DAAM1: variants seen among roughly 807,000 people sequenced by gnomAD.
The protein encoded by DAAM1 is disheveled-associated activator of morphogenesis 1.
In DAAM1, 52 loss-of-function variants were observed where a neutral mutation model predicts 130.0. The ratio of observed to expected loss-of-function variants is 0.40; its 90% confidence interval spans 0.32 to 0.50. The LOEUF is 0.50. Among genes scored for constraint, DAAM1 ranks in the 20% least tolerant of loss-of-function variants. The pLI is 0.61. For missense variants in DAAM1, 1,134 were observed against 1,303.8 expected, an observed-to-expected ratio of 0.87 and a Z score of 2.01; for synonymous variants, 452 against 444.5, an observed-to-expected ratio of 1.02 and a Z score of -0.21.
At chr14:59,197,531 C>T (rs1208356772) in intron 1 of DAAM1, among the ~76,000 whole-genome samples, 1 of 152,190 alleles carries the variant, frequency 6.6e-6, no homozygotes, top group East Asian at 1.9e-4. Flanking sequence ...AGAGATTAAA[C>T]TGGAAATACT....
intron 2 of DAAM1, among the ~76,000 whole-genome samples, chr14:59,271,410 A>T (rs1594791526): frequency 6.6e-6 from 1 of 152,192 alleles, no homozygotes; most frequent in East Asian, 1.9e-4. Context: ...GGCCTATATC[A>T]TTAAATACTG....
At chr14:59,217,022 TAA>T (rs1302239773) in intron 1 of DAAM1, among the ~76,000 whole-genome samples, 14 of 152,220 alleles carry the variant, frequency 9.2e-5, no homozygotes, top group Non-Finnish European at 1.8e-4. Flanking sequence ...TTTAGTTTTT[TAA>T]AACAGATATT....
At chr14:59,330,710 AC>A in intron 13 of DAAM1, 22 bp downstream of exon 13, 1 of 1,579,842 alleles carries the variant, frequency 6.3e-7, no homozygotes, top group Non-Finnish European at 8.6e-7. Flanking sequence ...CGCTCAGCTC[AC>A]GGGCAGCTGC....
intron 1 of DAAM1, among the ~76,000 whole-genome samples, chr14:59,221,143 A>G (rs1271340456): frequency 1.3e-5 from 2 of 152,234 alleles, no homozygotes; most frequent in Non-Finnish European, 2.9e-5. Flanking sequence ...TACAACTGAA[A>G]GTGCACTTAT....
intron 1 of DAAM1, among the ~76,000 whole-genome samples, chr14:59,243,003 A>G (rs1006790261): frequency 6.6e-6 from 1 of 152,216 alleles, no homozygotes; most frequent in African/African-American, 2.4e-5. Flanking sequence ...TCATTATATA[A>G]TGTGATGACA....
At chr14:59,236,731 C>T (rs975585057) in intron 1 of DAAM1, among the ~76,000 whole-genome samples, 66 of 152,252 alleles carry the variant, frequency 4.3e-4, no homozygotes, top group Non-Finnish European at 7.4e-5. Flanking sequence ...GGGTAACGCT[C>T]ATCTGTCTGG....
intron 1 of DAAM1, among the ~76,000 whole-genome samples, chr14:59,257,364 G>A (rs1335843313): frequency 2.7e-5 from 4 of 147,554 alleles, no homozygotes; most frequent in African/African-American, 1.0e-4. Flanking sequence ...CAGTCTAGTG[G>A]GGGAAATGGA....
intron 1 of DAAM1, among the ~76,000 whole-genome samples, chr14:59,262,549 C>G (rs1378790968): frequency 4.6e-5 from 7 of 152,040 alleles, no homozygotes; most frequent in Admixed American, 4.6e-4. Context: ...TTTATAAATA[C>G]ATACATTCTT....
chr14:59,341,013 C>T (rs1885821479), intron 16 of DAAM1, among the ~76,000 whole-genome samples: 1 of 152,050 alleles, frequency 6.6e-6, no homozygotes, highest in African/African-American at 2.4e-5. Flanking sequence ...TTTTCAGGGA[C>T]TATGAAGAGA....
chr14:59,366,024 T>C (rs1158275815), intron 23 of DAAM1, among the ~76,000 whole-genome samples: 1 of 151,794 alleles, frequency 6.6e-6, no homozygotes, highest in Admixed American at 6.6e-5. Context: ...GGATATACTA[T>C]TGTTACTGTA....
intron 1 of DAAM1, among the ~76,000 whole-genome samples, chr14:59,246,106 C>T (rs190415147): frequency 2.6e-5 from 4 of 152,208 alleles, no homozygotes; most frequent in Non-Finnish European, 2.9e-5. Flanking sequence ...ACCATTTAGC[C>T]ATTTTTCTGT....
At chr14:59,200,924 G>A (rs1173047800) in intron 1 of DAAM1, among the ~76,000 whole-genome samples, 2 of 152,144 alleles carry the variant, frequency 1.3e-5, no homozygotes, top group African/African-American at 4.8e-5. Context: ...CACTTTGGGA[G>A]GCCAAGGCGG....
chr14:59,355,925 A>G (rs1323141770), intron 20 of DAAM1, among the ~76,000 whole-genome samples: 2 of 152,232 alleles, frequency 1.3e-5, no homozygotes, highest in East Asian at 3.8e-4. Context: ...GTATAAATGC[A>G]TTTTGGCTAT....
intron 3 of DAAM1, among the ~76,000 whole-genome samples, chr14:59,295,437 C>A (rs1883917960): frequency 6.6e-6 from 1 of 152,212 alleles, no homozygotes; most frequent in South Asian, 2.1e-4. Flanking sequence ...TAGTACTTTT[C>A]ATTTATTCCT....
At chr14:59,248,881 G>A (rs368427730) in intron 1 of DAAM1, among the ~76,000 whole-genome samples, 5 of 152,080 alleles carry the variant, frequency 3.3e-5, no homozygotes, top group East Asian at 3.9e-4. Context: ...CCTGCCTCCC[G>A]GGTTCACGCC....
intron 15 of DAAM1, among the ~76,000 whole-genome samples, chr14:59,333,278 C>G (rs1371329447): frequency 6.6e-6 from 1 of 152,158 alleles, no homozygotes; most frequent in Non-Finnish European, 1.5e-5. Flanking sequence ...CAGGAGCCCT[C>G]AGCTGCCCAC....
chr14:59,341,884 A>T (rs1483167299), intron 16 of DAAM1, among the ~76,000 whole-genome samples: 1 of 152,188 alleles, frequency 6.6e-6, no homozygotes, highest in African/African-American at 2.4e-5. Flanking sequence ...CTGTCACAGA[A>T]TTTCTATAGT....
At chr14:59,348,220 G>A (rs1051837465) in intron 17 of DAAM1, among the ~76,000 whole-genome samples, 3 of 152,148 alleles carry the variant, frequency 2.0e-5, no homozygotes, top group Non-Finnish European at 4.4e-5. Context: ...GCAAGAATGG[G>A]ATTTACACCC....
Position 59,323,148 on chromosome 14 carries a change from G to C in DAAM1, c.697G>C (p.Val233Leu). The change falls in exon 6 of 25, where the codon GTT (valine) becomes CTT (leucine). Residue 233 changes from valine (V) to leucine (L), a missense_variant. Transcript: ENST00000360909. ...GGAAATCTTGGGCGCCGTGTGCCTGGTTCCCGGGGGCCACAAGAAGGTTCT... is the reference window on the plus strand; with the variant it reads ...GGAAATCTTGGGCGCCGTGTGCCTGCTTCCCGGGGGCCACAAGAAGGTTCT... ...VLEILGAVCL[V>L]PGGHKKVLQA... 6.2e-7 allele frequency: 1 copy of C among 1,613,806 alleles called. No individual in the cohort carries two copies. The highest frequency in any genetic ancestry group is 8.5e-7 in the Non-Finnish European group (1 of 1,179,878).
Sources: allele counts gnomAD v4.1 joint callset (sites outside exome capture counted in the v4.1 genomes callset), GRCh38; gene constraint gnomAD v4.1.1; transcripts MANE v1.5; gene names NCBI Gene and HGNC (gene_info 2026-07-23, HGNC 2026-07-21).